Variants in YAP1 observed in about 807,000 individuals in gnomAD.
YAP1 encodes the protein Yes1 associated transcriptional regulator.
YAP1 carries 5 observed loss-of-function variants against 56.9 expected under a neutral mutation model. The ratio of observed to expected loss-of-function variants is 0.09; its 90% CI spans 0.05 to 0.18. The LOEUF is 0.18. YAP1 is among the 10% of genes least tolerant of loss of function. The pLI is 1.00. For synonymous variants in YAP1, 265 were observed against 248.1 expected, an observed-to-expected ratio of 1.07 and a Z score of -0.64; for missense variants, 539 against 651.8, an observed-to-expected ratio of 0.83 and a Z score of 1.88.
chr11:102,214,396 CT>C (rs1483706237), intron 6 of YAP1, among the ~76,000 whole-genome samples: 5 of 152,186 alleles, frequency 3.3e-5, no homozygotes, highest in Non-Finnish European at 7.3e-5. Context: ...ACCATTACCT[CT>C]CAACAGTGAA....
At chr11:102,176,519 G>T (rs989370352) in intron 3 of YAP1, among the ~76,000 whole-genome samples, 3 of 151,772 alleles carry the variant, frequency 2.0e-5, no homozygotes, top group Admixed American at 2.0e-4. Flanking sequence ...AGGCAATGTG[G>T]GTGGATCTTG....
At chr11:102,203,751 C>A (rs1258085095) in intron 4 of YAP1, among the ~76,000 whole-genome samples, 1 of 151,884 alleles carries the variant, frequency 6.6e-6, no homozygotes, top group Non-Finnish European at 1.5e-5. Context: ...TGTAAGTCAC[C>A]ATAGAAATTA....
At chr11:102,173,251 G>C (rs993568327) in intron 3 of YAP1, among the ~76,000 whole-genome samples, 2 of 152,084 alleles carry the variant, frequency 1.3e-5, no homozygotes, top group African/African-American at 4.8e-5. Context: ...TATTGCTAGT[G>C]GTAAGATGAT....
chr11:102,209,581 T>C lies in YAP1; in HGVS notation c.1032+17T>C. The C allele has an allele frequency of 6.4e-7, 1 of 1,561,766 alleles. No individual in the cohort carries two copies. Among genetic ancestry groups the C allele is most frequent in the Non-Finnish European group, 8.6e-7 (1 of 1,162,094 alleles). ...AAATGTCAGGTAGGCTCTTATCTGA[T>C]GTTTTAGCACTGGAAAAAAAAAAAA... On this transcript the variant is annotated intron_variant, in intron 6 of 8. Transcript: ENST00000282441.
intron 2 of YAP1, among the ~76,000 whole-genome samples, chr11:102,161,094 T>C (rs972299674): frequency 4.5e-5 from 6 of 133,980 alleles, no homozygotes; most frequent in Admixed American, 1.7e-4. Context: ...GGAATCTGGC[T>C]CTGTTGCCCA....
At chr11:102,216,810 A>G (rs1484382661) in intron 6 of YAP1, among the ~76,000 whole-genome samples, 3 of 152,246 alleles carry the variant, frequency 2.0e-5, no homozygotes, top group African/African-American at 7.2e-5. Context: ...AGACTTTCAA[A>G]ACTGGGGAAA....
In YAP1 at chr11:102,205,986, A is replaced by G. The variant is rs112417656; in HGVS notation, c.896A>G (p.Asn299Ser). Reference protein sequence around the residue: ...SPQGGVMGGSNSNQQQQMRLQ... With the variant: ...SPQGGVMGGSSSNQQQQMRLQ... ...CAGGGAGGCGTCATGGGTGGCAGCAACTCCAACCAGCAGCAACAGATGCGA... is the reference window on the plus strand; with the variant it reads ...CAGGGAGGCGTCATGGGTGGCAGCAGCTCCAACCAGCAGCAACAGATGCGA... Residue 299 changes from asparagine to serine, a missense_variant, in exon 5 of 9, where the codon AAC becomes AGC. Physicochemically the swap from Asn to Ser is conservative, Grantham distance 46. This residue lies in a region of YAP1 where 414 missense variants were observed against 512.4 expected (regional missense o/e 0.81). Coordinates refer to ENST00000282441, the MANE Select transcript of YAP1 (RefSeq NM_001130145.3). 1.1e-3 allele frequency: 1,806 copies of G among 1,613,778 alleles called. 8 individuals carry two copies. The African/African-American group carries it at 0.018, about 16-fold the overall frequency.
At chr11:102,190,685 C>G (rs1948226562) in intron 4 of YAP1, among the ~76,000 whole-genome samples, 1 of 152,088 alleles carries the variant, frequency 6.6e-6, no homozygotes, top group Non-Finnish European at 1.5e-5. Flanking sequence ...CGCCTGTAAT[C>G]CCAGCACTTT....
chr11:102,122,384 C>A (rs1331927058), intron 2 of YAP1, among the ~76,000 whole-genome samples: 1 of 151,232 alleles, frequency 6.6e-6, no homozygotes, highest in African/African-American at 2.4e-5. Context: ...AACATCACGC[C>A]ACTGCACTAC....
intron 2 of YAP1, among the ~76,000 whole-genome samples, chr11:102,144,937 C>T (rs1945247608): frequency 6.6e-6 from 1 of 152,056 alleles, no homozygotes; most frequent in Non-Finnish European, 1.5e-5. Context: ...CTCTCTCTCT[C>T]CTTCTCCTTC....
chr11:102,220,261 A>G (rs1306086360), intron 6 of YAP1, among the ~76,000 whole-genome samples: 2 of 152,078 alleles, frequency 1.3e-5, no homozygotes, highest in African/African-American at 4.8e-5. Context: ...TTGAGATAGT[A>G]TGCCATATTT....
At chr11:102,172,178 A>G (rs1946938009) in intron 3 of YAP1, among the ~76,000 whole-genome samples, 1 of 142,418 alleles carries the variant, frequency 7.0e-6, no homozygotes, top group Non-Finnish European at 1.5e-5. Flanking sequence ...GGGTGACAAG[A>G]GCAGAACTTC....
intron 2 of YAP1, among the ~76,000 whole-genome samples, chr11:102,161,498 A>G (rs888956925): frequency 3.3e-5 from 5 of 152,258 alleles, no homozygotes; most frequent in African/African-American, 1.2e-4. Flanking sequence ...CAGCAGCTGC[A>G]TACAGTCCAT....
Position 102,231,209 on chromosome 11 carries a change from T to C in YAP1, c.*1269T>C, listed in dbSNP as rs1039572091. The C allele has an allele frequency of 2.6e-5, 4 of 152,240 alleles. No individual in the cohort carries two copies. Among genetic ancestry groups the C allele is most frequent in the African/African-American group, 7.2e-5 (3 of 41,472 alleles). The allele number at this position is 152,240 out of a possible 1,614,324, so 9.4% of individuals were successfully genotyped here. A position where few individuals can be genotyped will look rare whatever the true frequency, so the allele number is the denominator to read the frequency against. ...CCTTGGACTAATTTTTAAGTCTCGATTGGAATTCAGTGAGTAGGTTCATAA... is the reference window on the plus strand; with the variant it reads ...CCTTGGACTAATTTTTAAGTCTCGACTGGAATTCAGTGAGTAGGTTCATAA... On this transcript the variant is annotated 3_prime_UTR_variant, in exon 9 of 9. Transcript: ENST00000282441.
At chr11:102,207,054 C>T (rs938780335) in intron 5 of YAP1, among the ~76,000 whole-genome samples, 3 of 151,994 alleles carry the variant, frequency 2.0e-5, no homozygotes, top group African/African-American at 7.3e-5. Context: ...TTTACTTTAT[C>T]TTATTTCAGA....
chr11:102,167,665 C>T (rs968307862), intron 3 of YAP1, among the ~76,000 whole-genome samples: 3 of 152,036 alleles, frequency 2.0e-5, no homozygotes, highest in South Asian at 2.1e-4. Flanking sequence ...ACCCAGGAGG[C>T]GGAGGTTGCA....
intron 2 of YAP1, among the ~76,000 whole-genome samples, chr11:102,127,835 A>G (rs1029179212): frequency 3.9e-5 from 6 of 152,186 alleles, no homozygotes; most frequent in Admixed American, 3.9e-4. Flanking sequence ...GCTGCCCAAG[A>G]CCATGGGAAT....
chr11:102,231,193 A>C lies in YAP1; in HGVS notation c.*1253A>C, dbSNP rs1950425390. ...ATGGCTTTATTTTCTCCCTTGGACT[A>C]ATTTTTAAGTCTCGATTGGAATTCA... is the stretch of plus-strand genomic sequence containing the variant. On this transcript the variant is annotated 3_prime_UTR_variant, in exon 9 of 9. Transcript: ENST00000282441. 1 of 152,236 alleles carries C rather than the reference A, an allele frequency of 6.6e-6. No homozygotes were observed. Among genetic ancestry groups the C allele is most frequent in the Non-Finnish European group, 1.5e-5 (1 of 68,038 alleles). The allele number at this position is 152,236 out of a possible 1,614,324, so 9.4% of individuals were successfully genotyped here.
chr11:102,197,720 T>TG (rs1452924458), intron 4 of YAP1, among the ~76,000 whole-genome samples: 1 of 152,180 alleles, frequency 6.6e-6, no homozygotes, highest in East Asian at 1.9e-4. Flanking sequence ...TGACATTTTG[T>TG]GGGGTTTTTG....
Sources: gnomAD v4.1 joint callset for allele counts (sites outside exome capture counted in the v4.1 genomes callset) on GRCh38, gnomAD v4.1.1 for gene constraint, gnomAD v4.1.1 regional missense constraint, MANE v1.5 for transcripts, NCBI Gene and HGNC (gene_info 2026-07-23, HGNC 2026-07-21) for gene names.